The following NTRK1 variants were observed in gnomAD, a reference collection of about 807,000 sequenced individuals.
NTRK1 encodes the protein high affinity nerve growth factor receptor.
NTRK1 carries 62 observed loss-of-function variants against 86.8 expected under a neutral mutation model. The ratio of observed to expected loss-of-function variants is 0.71; its 90% CI spans 0.58 to 0.88. The LOEUF is 0.88. Ranked by LOEUF, NTRK1 falls within the 40% of genes least tolerant of loss-of-function variation. The probability of loss-of-function intolerance (pLI) is 0.00; values close to 1 mark genes in which losing one functional copy is unlikely to be tolerated. For synonymous variants in NTRK1, 469 were observed against 456.6 expected (o/e 1.03, Z -0.35); for missense variants, 967 against 1,078.4 (o/e 0.90, Z 1.45).
intron 4 of NTRK1, among the ~76,000 whole-genome samples, 174 bp from the exon 5 acceptor site, chr1:156,867,930 C>A (rs1647268072): frequency 6.6e-6 from 1 of 152,218 alleles, no homozygotes; most frequent in East Asian, 1.9e-4. Context: ...GCCTCGGCCT[C>A]CCAATGGCCT....
At chr1:156,838,124 G>T (rs573533825) in intron 1 of NTRK1, among the ~76,000 whole-genome samples, 3 of 151,790 alleles carry the variant, frequency 2.0e-5, no homozygotes, top group African/African-American at 7.3e-5. Context: ...ACTTGACTTC[G>T]GACCATTTCC....
At chr1:156,845,207 C>A (rs1461335599) in intron 2 of NTRK1, 1 of 1,609,644 alleles carries the variant, frequency 6.2e-7, no homozygotes, top group South Asian at 1.1e-5. Context: ...CGCTCGCTCA[C>A]GGGGCACCTT....
intron 2 of NTRK1, chr1:156,844,556 C>G (rs1654919682): frequency 1.2e-6 from 2 of 1,614,060 alleles, no homozygotes; most frequent in African/African-American, 2.7e-5. Flanking sequence ...TTCCAGGGGG[C>G]AGCAGGGCCA....
upstream of NTRK1, among the ~76,000 whole-genome samples, chr1:156,859,287 G>T (rs1655524421): frequency 6.6e-6 from 1 of 152,116 alleles, no homozygotes; most frequent in Non-Finnish European, 1.5e-5. This position sits in a 1 kb window ranked among gnomAD's most constrained non-coding sequence, Gnocchi z 6.2. Flanking sequence ...GCCAAAATAC[G>T]GGGGGAGGGT....
chr1:156,815,842 C>G (rs2102821070), intron 1 of NTRK1: 1 of 1,614,146 alleles, frequency 6.2e-7, no homozygotes, highest in Non-Finnish European at 8.5e-7. Flanking sequence ...GAAGGAGGTA[C>G]TCCTCATTTT....
intron 7 of NTRK1, among the ~76,000 whole-genome samples, chr1:156,872,984 G>A (rs1305875362): frequency 6.8e-6 from 1 of 146,586 alleles, no homozygotes; most frequent in Admixed American, 6.9e-5. Flanking sequence ...GCCCAGATTG[G>A]GTCTATTTCA....
rs2102926921 is a variant in NTRK1 at position 156,879,981 on chromosome 1, A to G, written c.2047-18A>G. On this transcript the variant is annotated intron_variant, in intron 15 of 16. Transcript: ENST00000524377. Reference sequence around the variant, plus strand: ...TCCCAGGCGCCCCTGGAATTGATGCAGTGTCCGCCCGTGGCAGGTGGGAGG... The same window carrying G: ...TCCCAGGCGCCCCTGGAATTGATGCGGTGTCCGCCCGTGGCAGGTGGGAGG... 6.2e-7 allele frequency: 1 copy of G among 1,611,758 alleles called. No homozygotes were observed. Among genetic ancestry groups the G allele is most frequent in the Non-Finnish European group, 8.5e-7 (1 of 1,179,890 alleles).
chr1:156,880,336 C>T, intron 16 of NTRK1, 179 bp downstream of exon 16: 2 of 670,704 alleles, frequency 3.0e-6, no homozygotes, highest in South Asian at 3.7e-5. Flanking sequence ...CTCTTCCTCC[C>T]TTATTCTTGC....
intron 7 of NTRK1, among the ~76,000 whole-genome samples, chr1:156,872,671 G>T (rs1489653449): frequency 1.3e-5 from 2 of 150,770 alleles, no homozygotes; most frequent in African/African-American, 2.4e-5. Flanking sequence ...ACCAGATTGG[G>T]TCTATTTCTT....
intron 1 of NTRK1, among the ~76,000 whole-genome samples, chr1:156,822,073 G>A (rs191138715): frequency 2.0e-5 from 3 of 152,328 alleles, no homozygotes; most frequent in South Asian, 4.1e-4. Context: ...GATAGAGGCA[G>A]TGGTGGTTTG....
At chr1:156,845,528 G>T in intron 2 of NTRK1, 2 of 1,444,284 alleles carry the variant, frequency 1.4e-6, no homozygotes. Flanking sequence ...CACAAGCAAG[G>T]CCCCACCCAC....
chr1:156,817,039 A>T (rs1308068827), intron 1 of NTRK1, among the ~76,000 whole-genome samples: 10 of 31,902 alleles, frequency 3.1e-4, no homozygotes, highest in Admixed American at 7.2e-4. Context: ...CCAAACTAGA[A>T]CTTCCCTTTC....
chr1:156,816,669 A>G, intron 1 of NTRK1: 2 of 1,600,892 alleles, frequency 1.2e-6, no homozygotes, highest in Middle Eastern at 1.7e-4. Flanking sequence ...TCAACTTCAC[A>G]CTTACCTTGG....
chr1:156,854,019 G>A lies in NTRK1; in HGVS notation c.51-10335G>A, dbSNP rs769822233. The stretch of plus-strand genomic sequence containing the variant: ...CCAAGTGCAGGCAGTGCCACGTCAC[G>A]CAGATGTGGCATCTCAAAGATGACC... On this transcript the variant is annotated intron_variant, in intron 2 of 16. Coordinates refer to the NTRK1 transcript ENST00000392302. The surrounding 1 kb of genome is among the most constrained non-coding windows in gnomAD (Gnocchi z 4.2). 54 of 1,613,924 alleles carry A rather than the reference G, an allele frequency of 3.3e-5. No homozygotes were observed. Among genetic ancestry groups the A allele is most frequent in the Middle Eastern group, 3.3e-4 (2 of 6,062 alleles).
intron 2 of NTRK1, chr1:156,843,376 C>T: frequency 6.3e-7 from 1 of 1,595,924 alleles, no homozygotes; most frequent in Non-Finnish European, 8.6e-7. Flanking sequence ...GTCTCTGCTC[C>T]TCTCCTGTCT....
intron 1 of NTRK1, among the ~76,000 whole-genome samples, chr1:156,838,691 C>A (rs1654661799): frequency 6.6e-6 from 1 of 152,266 alleles, no homozygotes; most frequent in East Asian, 1.9e-4. Flanking sequence ...CTACATTCTT[C>A]CCCCAGAAGT....
chr1:156,877,935 C>A (rs143409812), intron 14 of NTRK1, among the ~76,000 whole-genome samples: 1 of 152,262 alleles, frequency 6.6e-6, no homozygotes, highest in Non-Finnish European at 1.5e-5. Flanking sequence ...GGAGGATAGG[C>A]ACAGAGGAGC....
At chr1:156,834,528 G>A (rs1218192674) in intron 1 of NTRK1, among the ~76,000 whole-genome samples, 1 of 152,150 alleles carries the variant, frequency 6.6e-6, no homozygotes, top group African/African-American at 2.4e-5. Flanking sequence ...GGTGGATGTG[G>A]GCTGGACCTC....
chr1:156,833,107 T>G (rs113458112), intron 1 of NTRK1, among the ~76,000 whole-genome samples: 38 of 152,334 alleles, frequency 2.5e-4, no homozygotes, highest in African/African-American at 9.1e-4. Flanking sequence ...CATGATATAG[T>G]GGAAAATAGG....
Sources: allele counts gnomAD v4.1 joint callset (sites outside exome capture counted in the v4.1 genomes callset), GRCh38; gene constraint gnomAD v4.1.1; non-coding constraint Gnocchi (gnomAD v3.1); transcripts MANE v1.5; gene names NCBI Gene and HGNC (gene_info 2026-07-23, HGNC 2026-07-21).